Variants in PXDN observed in about 807,000 individuals in gnomAD.
PXDN encodes peroxidasin homolog.
A neutral mutation model predicts 140.3 loss-of-function variants in PXDN; 77 were observed. The ratio of observed to expected loss-of-function variants is 0.55; its 90% CI spans 0.46 to 0.66. The LOEUF (loss-of-function observed/expected upper bound fraction) is 0.66, where lower values mean the gene tolerates loss of function less well. Ranked by LOEUF, PXDN falls within the 30% of genes least tolerant of loss-of-function variation. The pLI is 0.00. For synonymous variants in PXDN, 911 were observed against 857.4 expected, an observed-to-expected ratio of 1.06 and a Z score of -1.09; for missense variants, 1,838 against 2,039.5, an observed-to-expected ratio of 0.90 and a Z score of 1.90.
rs764199990 is a variant in PXDN at position 1,680,368 on chromosome 2, G to C, written c.561-6C>G. On this transcript the variant is annotated splice_region_variant and splice_polypyrimidine_tract_variant and intron_variant, in intron 6 of 22. Coordinates refer to ENST00000252804, the MANE Select transcript of PXDN (RefSeq NM_012293.3). ...GTGTGTTTGAGTCCAGTCGCCTGTG[G>C]GAAGGAAGATGCAGCCGGTGAGACA... 5.6e-6 allele frequency: 9 copies of C among 1,613,920 alleles called. No individual in the cohort carries two copies. The South Asian group carries it at 8.8e-5, about 16-fold the overall frequency.
intron 4 of PXDN, among the ~76,000 whole-genome samples, chr2:1,686,622 C>T (rs944602251): frequency 3.3e-5 from 5 of 152,174 alleles, no homozygotes; most frequent in East Asian, 1.9e-4. Flanking sequence ...TCCCTGGATA[C>T]GTCCATGTGT....
At chr2:1,724,580 C>G (rs1685133643) in intron 1 of PXDN, among the ~76,000 whole-genome samples, 1 of 152,158 alleles carries the variant, frequency 6.6e-6, no homozygotes, top group South Asian at 2.1e-4. Flanking sequence ...CGGCACCACT[C>G]TGCCATTCAA....
At position 1,639,709 on chromosome 2, in the gene PXDN, C is replaced by T. The variant is rs1333016812; in HGVS notation, c.3953-287G>A. On this transcript the variant is annotated intron_variant, in intron 19 of 22. Transcript: ENST00000252804. The surrounding 1 kb of genome is among the most constrained non-coding windows in gnomAD (Gnocchi z 5.0). ...TCACCACGCCATCTAACCACACCCT[C>T]GCGGAGTTCCCTCCACCCACAGATG... 1.3e-5 allele frequency among the ~76,000 whole-genome samples: 2 copies of T among 152,216 alleles called. No homozygotes were observed. The highest frequency in any genetic ancestry group is 2.9e-5 in the Non-Finnish European group (2 of 68,038).
In PXDN at chr2:1,715,946, AG is replaced by A. The variant is rs545961908; in HGVS notation, c.201-22813del. Among the ~76,000 whole-genome samples the A allele has an allele frequency of 4.6e-5, 7 of 152,184 alleles. No homozygotes were observed. The East Asian group carries it at 1.2e-3, about 26-fold the overall frequency. On this transcript the variant is annotated intron_variant, in intron 1 of 22. Coordinates refer to ENST00000252804, the MANE Select transcript of PXDN (RefSeq NM_012293.3). ...GTATGACACAGACATAGTTTTTTCC[AG>A]GCAAACAATATAGCCCTCACCCAGC...
chr2:1,726,918 G>C (rs1685199406), intron 1 of PXDN, among the ~76,000 whole-genome samples: 1 of 152,132 alleles, frequency 6.6e-6, no homozygotes, highest in African/African-American at 2.4e-5. Context: ...ATCGAGAATT[G>C]CTTTTTAAAA....
intron 1 of PXDN, among the ~76,000 whole-genome samples, chr2:1,740,997 A>C (rs904361829): frequency 3.3e-5 from 5 of 152,078 alleles, no homozygotes; most frequent in Admixed American, 6.5e-5. Flanking sequence ...GTTTGGGACA[A>C]CTCATGGCTT....
chr2:1,648,970 C>T lies in PXDN; in HGVS notation c.2810G>A (p.Arg937Gln), dbSNP rs1440817288. ...RDLASHRGLL[R>Q]QGIVQRSGKP... ...CCCGGACCGCTGCACGATGCCCTGC[C>T]GCAGCAGGCCGCGGTGGCTGGCCAG... The change falls in exon 17 of 23, where the codon CGG becomes CAG. Residue 937 changes from arginine to glutamine, a missense_variant. Physicochemically the swap from Arg to Gln is conservative, Grantham distance 43. This residue lies in a region of PXDN where 850 missense variants were observed against 894.1 expected (regional missense o/e 0.95). Transcript: ENST00000252804. This position sits in a 1 kb window ranked among gnomAD's most constrained non-coding sequence, Gnocchi z 8.9. 6.2e-6 allele frequency: 10 copies of T among 1,606,128 alleles called. No homozygotes were observed. The highest frequency in any genetic ancestry group is 4.0e-5 in the African/African-American group (3 of 74,210).
chr2:1,639,558 G>A lies in PXDN; in HGVS notation c.3953-136C>T. On this transcript the variant is annotated intron_variant, in intron 19 of 22. Coordinates refer to ENST00000252804, the MANE Select transcript of PXDN (RefSeq NM_012293.3). The surrounding 1 kb of genome is among the most constrained non-coding windows in gnomAD (Gnocchi z 5.0). ...GTGGCACATTTCAGTGAGGCAACCT[G>A]GCAGCTGGTCTGCGGCTCTTACCCT... 1 of 1,315,316 alleles carries A rather than the reference G, an allele frequency of 7.6e-7. No homozygotes were observed. Among genetic ancestry groups the A allele is most frequent in the Non-Finnish European group, 1.1e-6 (1 of 945,668 alleles). The allele number at this position is 1,315,316 out of a possible 1,614,324, so 81.5% of individuals were successfully genotyped here.
chr2:1,658,969 A>G (rs914033126), intron 14 of PXDN, among the ~76,000 whole-genome samples: 3 of 151,814 alleles, frequency 2.0e-5, no homozygotes, highest in African/African-American at 7.3e-5. Flanking sequence ...TGCTCATCTC[A>G]CTGCTTCTTA....
At chr2:1,682,098 G>GT (rs776496241) in intron 6 of PXDN, among the ~76,000 whole-genome samples, 2 of 152,198 alleles carry the variant, frequency 1.3e-5, no homozygotes, top group African/African-American at 4.8e-5. Flanking sequence ...AGCAACTTTA[G>GT]TAAAGTGAGC....
intron 9 of PXDN, among the ~76,000 whole-genome samples, chr2:1,671,135 G>A (rs1432911888): frequency 3.9e-5 from 6 of 152,180 alleles, no homozygotes; most frequent in South Asian, 2.1e-4. Flanking sequence ...ATGAACGCAC[G>A]TTAGAGGGGA....
chr2:1,744,236 G>C lies in PXDN; in HGVS notation c.200+20C>G. 6.8e-7 allele frequency: 1 copy of C among 1,471,330 alleles called. No individual in the cohort carries two copies. Among genetic ancestry groups the C allele is most frequent in the Non-Finnish European group, 9.0e-7 (1 of 1,114,400 alleles). The allele number at this position is 1,471,330 out of a possible 1,614,324, so 91.1% of individuals were successfully genotyped here. On this transcript the variant is annotated intron_variant, in intron 1 of 22. Transcript: ENST00000252804. ...CGAAGCCCCGGACCCCGCGCCCCCGGCGTCCCCCGCGGCACTCACAGGATG... is the reference window on the plus strand; with the variant it reads ...CGAAGCCCCGGACCCCGCGCCCCCGCCGTCCCCCGCGGCACTCACAGGATG...
chr2:1,635,937 C>CA (rs1423178952), intron 21 of PXDN: 1 of 332,702 alleles, frequency 3.0e-6, no homozygotes, highest in Non-Finnish European at 5.8e-6. Flanking sequence ...GGCCCCATAA[C>CA]AAGGTGACCT....
At chr2:1,666,074 G>A (rs1245298471) in intron 10 of PXDN, 140 bp downstream of exon 10, 7 of 1,184,070 alleles carry the variant, frequency 5.9e-6, no homozygotes, top group Non-Finnish European at 8.3e-6. Context: ...TCCAAGGGGG[G>A]TGTAATGGAT....
chr2:1,678,690 A>C (rs1448380891), intron 7 of PXDN, among the ~76,000 whole-genome samples: 2 of 152,228 alleles, frequency 1.3e-5, no homozygotes, highest in Non-Finnish European at 2.9e-5. Flanking sequence ...CAAGCTGGGC[A>C]ACACAGGTCC....
chr2:1,682,901 T>C lies in PXDN; in HGVS notation c.560+755A>G, dbSNP rs150023950. On this transcript the variant is annotated intron_variant, in intron 6 of 22. Transcript: ENST00000252804. Reference sequence around the variant, plus strand: ...GTTGCAGTGAGCTGAAATCGAGCCATTGCACTCTAGACTGGCAACAAGAAC... The same window carrying C: ...GTTGCAGTGAGCTGAAATCGAGCCACTGCACTCTAGACTGGCAACAAGAAC... Among the ~76,000 whole-genome samples, 508 of 152,020 alleles carry C rather than the reference T, an allele frequency of 3.3e-3. 2 individuals are homozygous for C. The highest frequency in any genetic ancestry group is 0.012 in the African/African-American group (490 of 41,444).
At chr2:1,686,905 G>A (rs1000596099) in intron 4 of PXDN, among the ~76,000 whole-genome samples, 2 of 152,202 alleles carry the variant, frequency 1.3e-5, no homozygotes, top group African/African-American at 4.8e-5. Context: ...GCAAACAGCT[G>A]CTTTCATCCA....
In PXDN at chr2:1,649,882, C is replaced by T. The variant is rs1372450130; in HGVS notation, c.2105-207G>A. On this transcript the variant is annotated intron_variant, in intron 16 of 22. Coordinates refer to ENST00000252804, the MANE Select transcript of PXDN (RefSeq NM_012293.3). The surrounding 1 kb of genome is among the most constrained non-coding windows in gnomAD (Gnocchi z 7.1). Reference sequence around the variant, plus strand: ...GCTCCTCCCCTCCTCCAGCCCCAAACACAGGTATTCTCTCCACAGCCCCAG... The same window carrying T: ...GCTCCTCCCCTCCTCCAGCCCCAAATACAGGTATTCTCTCCACAGCCCCAG... Among the ~76,000 whole-genome samples the T allele has an allele frequency of 6.6e-6, 1 of 152,160 alleles. No individual in the cohort carries two copies. The highest frequency in any genetic ancestry group is 1.5e-5 in the Non-Finnish European group (1 of 68,026).
At chr2:1,726,434 CG>C (rs1558528485) in intron 1 of PXDN, among the ~76,000 whole-genome samples, 11 of 28,476 alleles carry the variant, frequency 3.9e-4, no homozygotes, top group Non-Finnish European at 8.2e-4. Context: ...GTTGTGGGGT[CG>C]GGGGAGGGGG....
Sources: allele counts gnomAD v4.1 joint callset (sites outside exome capture counted in the v4.1 genomes callset), GRCh38; gene constraint gnomAD v4.1.1; regional missense constraint gnomAD v4.1.1; non-coding constraint Gnocchi (gnomAD v3.1); transcripts MANE v1.5; gene names NCBI Gene and HGNC (gene_info 2026-07-23, HGNC 2026-07-21).